EPB41L2: variants seen among roughly 807,000 people sequenced by gnomAD.
The protein encoded by EPB41L2 is erythrocyte membrane protein band 4.1 like 2, also known as band 4.1-like protein 2.
EPB41L2 carries 43 observed loss-of-function variants against 113.0 expected under a neutral mutation model. The ratio of observed to expected loss-of-function variants is 0.38; its 90% CI spans 0.30 to 0.49. EPB41L2 has a LOEUF of 0.49. Ranked by LOEUF, EPB41L2 falls within the 20% of genes least tolerant of loss-of-function variation. EPB41L2 has a pLI of 0.95. For missense variants in EPB41L2, 1,147 were observed against 1,223.4 expected (o/e 0.94, Z 0.93); for synonymous variants, 442 against 436.7 (o/e 1.01, Z -0.15).
At chr6:130,899,105 T>C (rs1795514254) in intron 8 of EPB41L2, among the ~76,000 whole-genome samples, 1 of 152,102 alleles carries the variant, frequency 6.6e-6, no homozygotes, top group Non-Finnish European at 1.5e-5. Context: ...CCTTTTATGG[T>C]TGCTAAGGTC....
intron 5 of EPB41L2, among the ~76,000 whole-genome samples, chr6:130,905,310 T>C (rs1583289427): frequency 6.6e-6 from 1 of 152,182 alleles, no homozygotes; most frequent in Admixed American, 6.5e-5. Context: ...AAAGGGCAGG[T>C]ATTATTTTCC....
At chr6:130,849,670 T>G (rs1778181949) in intron 19 of EPB41L2, among the ~76,000 whole-genome samples, 2 of 151,968 alleles carry the variant, frequency 1.3e-5, no homozygotes, top group African/African-American at 4.8e-5. Context: ...GAAATGCAAA[T>G]TATATGTGTG....
intron 1 of EPB41L2, among the ~76,000 whole-genome samples, chr6:130,983,879 T>A (rs771489673): frequency 1.3e-5 from 2 of 152,208 alleles, no homozygotes; most frequent in African/African-American, 4.8e-5. Context: ...AAATTTTTTT[T>A]AATATTTTTA....
rs17059968 is a variant in EPB41L2 at position 131,023,346 on chromosome 6, C to G, written c.-15+39809G>C. On this transcript the variant is annotated intron_variant, in intron 1 of 19. Transcript: ENST00000337057. ...CCTGTGTTGTCCTTCATCTTCCCTC[C>G]AAAATTAATTCCATCTACTATTTAG... Among the ~76,000 whole-genome samples, 3,093 of 152,180 alleles carry G rather than the reference C, an allele frequency of 0.02. 204 individuals carry two copies. In the East Asian group the frequency reaches 0.27, roughly 13 times the overall value.
chr6:131,008,491 C>G (rs915119936), intron 1 of EPB41L2, among the ~76,000 whole-genome samples: 2 of 152,220 alleles, frequency 1.3e-5, no homozygotes. Context: ...GGTTGGAACC[C>G]CACACAGAGT....
chr6:130,900,632 T>TA (rs1290036934), intron 7 of EPB41L2, among the ~76,000 whole-genome samples: 1 of 152,168 alleles, frequency 6.6e-6, no homozygotes. Context: ...AGAAGAAATA[T>TA]AAAGTAAATG....
At chr6:130,913,471 C>T (rs1053498239) in intron 4 of EPB41L2, among the ~76,000 whole-genome samples, 1 of 152,154 alleles carries the variant, frequency 6.6e-6, no homozygotes, top group African/African-American at 2.4e-5. Flanking sequence ...TTTGCAAGGG[C>T]TGGAACAGAC....
chr6:130,938,641 C>A (rs145674012), intron 3 of EPB41L2, among the ~76,000 whole-genome samples: 1 of 152,096 alleles, frequency 6.6e-6, no homozygotes, highest in African/African-American at 2.4e-5. Flanking sequence ...TCCAAAGATG[C>A]CAAAAATCCA....
At chr6:130,921,671 C>A (rs925860828) in intron 4 of EPB41L2, among the ~76,000 whole-genome samples, 2 of 152,178 alleles carry the variant, frequency 1.3e-5, no homozygotes, top group African/African-American at 4.8e-5. Flanking sequence ...CACTAAACTG[C>A]TCATATGATT....
chr6:130,848,416 T>C (rs193192117), intron 19 of EPB41L2, among the ~76,000 whole-genome samples: 68 of 152,332 alleles, frequency 4.5e-4, no homozygotes, highest in African/African-American at 1.5e-3. Flanking sequence ...AACATGTATA[T>C]GTAATTTTAA....
rs139672374 is a variant in EPB41L2 at position 130,861,035 on chromosome 6, G to C, written c.2910+2603C>G. 5.1e-3 allele frequency among the ~76,000 whole-genome samples: 772 copies of C among 152,198 alleles called. 6 individuals are homozygous for C. Among genetic ancestry groups the C allele is most frequent in the African/African-American group, 0.018 (734 of 41,540 alleles). The stretch of plus-strand genomic sequence containing the variant: ...GATTTCTTGTTTTCTGTCTGGCCCA[G>C]TGAAAGTGTCCTTCCATTTTAAGAT... On this transcript the variant is annotated intron_variant, in intron 18 of 19. Transcript: ENST00000337057.
At position 130,931,117 on chromosome 6, in the gene EPB41L2, A is replaced by G. The variant is rs997457275; in HGVS notation, c.706-4408T>C. On this transcript the variant is annotated intron_variant, in intron 3 of 19. Transcript: ENST00000337057. The stretch of plus-strand genomic sequence containing the variant: ...GAGGGGTCTACAAATATCTCATCAG[A>G]GTCCTAGATGGAGATGAGAGAGAAT... Among the ~76,000 whole-genome samples the G allele has an allele frequency of 2.6e-5, 4 of 152,258 alleles. No individual in the cohort carries two copies. The East Asian group carries it at 7.7e-4, about 29-fold the overall frequency.
At chr6:130,874,970 T>C (rs930815481) in intron 14 of EPB41L2, among the ~76,000 whole-genome samples, 2 of 152,238 alleles carry the variant, frequency 1.3e-5, no homozygotes, top group African/African-American at 4.8e-5. Flanking sequence ...TTTCAAAGCA[T>C]GTGATATTAA....
At chr6:130,878,420 G>A (rs1484979489) in intron 13 of EPB41L2, 170 bp from the exon 14 acceptor site, 2 of 633,884 alleles carry the variant, frequency 3.2e-6, no homozygotes, top group Non-Finnish European at 5.0e-6. Flanking sequence ...CTATGAGTAA[G>A]TTCATGAATT....
chr6:130,999,696 G>GA (rs1315073168), intron 1 of EPB41L2, among the ~76,000 whole-genome samples: 3 of 152,138 alleles, frequency 2.0e-5, no homozygotes, highest in Non-Finnish European at 2.9e-5. Flanking sequence ...AATGTCTCCA[G>GA]AAAACATGCT....
chr6:131,038,595 A>T (rs1793813658), intron 1 of EPB41L2, among the ~76,000 whole-genome samples: 1 of 152,238 alleles, frequency 6.6e-6, no homozygotes, highest in Admixed American at 6.5e-5. Context: ...CTGAAAAGGA[A>T]TACTTTTAAC....
At chr6:130,921,284 C>T (rs1373755144) in intron 4 of EPB41L2, among the ~76,000 whole-genome samples, 1 of 152,188 alleles carries the variant, frequency 6.6e-6, no homozygotes, top group Non-Finnish European at 1.5e-5. Context: ...TACTTAAAAT[C>T]TAGATTCCTC....
rs915605728 is a variant in EPB41L2, at chr6:130,949,072, A to G, written c.705+6033T>C. On this transcript the variant is annotated intron_variant, in intron 3 of 19. Coordinates refer to ENST00000337057, the MANE Select transcript of EPB41L2 (RefSeq NM_001431.4). ...AACCGGTATCAACAATAAGAAGATCATGCTTTCCAAATTCAAAAAGAACCC... is the reference window on the plus strand; with the variant it reads ...AACCGGTATCAACAATAAGAAGATCGTGCTTTCCAAATTCAAAAAGAACCC... Among the ~76,000 whole-genome samples the G allele has an allele frequency of 2.6e-5, 4 of 152,230 alleles. No homozygotes were observed. The East Asian group carries it at 5.8e-4, about 22-fold the overall frequency.
At chr6:130,961,349 C>T (rs1399827662) in intron 1 of EPB41L2, among the ~76,000 whole-genome samples, 1 of 152,182 alleles carries the variant, frequency 6.6e-6, no homozygotes, top group Non-Finnish European at 1.5e-5. Context: ...TGAGAAAAAG[C>T]ATGCATCATT....
Sources: allele counts gnomAD v4.1 joint callset (sites outside exome capture counted in the v4.1 genomes callset), GRCh38; gene constraint gnomAD v4.1.1; transcripts MANE v1.5; gene names NCBI Gene and HGNC (gene_info 2026-07-23, HGNC 2026-07-21).